Variants in TNKS2 observed in about 807,000 individuals in gnomAD.
TNKS2 encodes the protein tankyrase 2, also known as poly [ADP-ribose] polymerase tankyrase-2.
A neutral mutation model predicts 137.6 loss-of-function variants in TNKS2; 72 were observed. That is an observed-to-expected ratio of 0.52 (90% CI 0.43 to 0.64). TNKS2 has a LOEUF of 0.64. Among genes scored for constraint, TNKS2 ranks in the 30% least tolerant of loss-of-function variants. The pLI, the probability that TNKS2 is intolerant of heterozygous loss-of-function variation, is 0.00. For missense variants in TNKS2, 1,049 were observed against 1,410.2 expected, an observed-to-expected ratio of 0.74 and a Z score of 4.10; for synonymous variants, 516 against 512.1, an observed-to-expected ratio of 1.01 and a Z score of -0.10.
chr10:91,830,802 T>C (rs1845221752), intron 9 of TNKS2, 121 bp from the exon 10 acceptor site: 1 of 847,546 alleles, frequency 1.2e-6, no homozygotes, highest in Non-Finnish European at 1.8e-6. Flanking sequence ...AGAGCAAAGT[T>C]GCGTCAAAAG....
In TNKS2 at chr10:91,842,705, C is replaced by T. The variant is rs559191448; in HGVS notation, c.2059+314C>T. On this transcript the variant is annotated intron_variant, in intron 16 of 26. Coordinates refer to ENST00000371627, the MANE Select transcript of TNKS2 (RefSeq NM_025235.4). ...TGGGAAGATTGAGCCCAGGAGGTCA[C>T]GGATGCAATAAGCCTTGATTGTGCC... Among the ~76,000 whole-genome samples, 645 of 152,022 alleles carry T rather than the reference C, an allele frequency of 4.2e-3. 5 individuals are homozygous for T. The highest frequency in any genetic ancestry group is 0.015 in the African/African-American group (614 of 41,468).
chr10:91,801,875 A>T (rs1205073431), intron 1 of TNKS2, among the ~76,000 whole-genome samples: 2 of 152,194 alleles, frequency 1.3e-5, no homozygotes, highest in Non-Finnish European at 2.9e-5. Flanking sequence ...GAAATTCTTG[A>T]CAGTTAATGC....
At chr10:91,822,809 C>T (rs558465718) in intron 7 of TNKS2, among the ~76,000 whole-genome samples, 23 of 152,170 alleles carry the variant, frequency 1.5e-4, no homozygotes, top group Non-Finnish European at 2.9e-4. Context: ...CCACCTGCCT[C>T]GGCCTCCCAA....
rs555895975 is a variant in TNKS2, at chr10:91,864,256, A to AC, written c.*1259dup. The AC allele has an allele frequency of 6.5e-6, 1 of 152,718 alleles. No individual in the cohort carries two copies. The highest frequency in any genetic ancestry group is 2.1e-4 in the South Asian group (1 of 4,828). The allele number at this position is 152,718 out of a possible 1,614,324, so 9.5% of individuals were successfully genotyped here. ...CTGTCAGTTTGTGCACCATATGGTG[A>AC]CCACGCCTGTGCTCAGTTTGGCAGC... is the stretch of plus-strand genomic sequence containing the variant. On this transcript the variant is annotated 3_prime_UTR_variant, in exon 27 of 27. Coordinates refer to ENST00000371627, the MANE Select transcript of TNKS2 (RefSeq NM_025235.4).
intron 9 of TNKS2, among the ~76,000 whole-genome samples, chr10:91,829,795 T>C (rs1396853186): frequency 6.6e-6 from 1 of 152,196 alleles, no homozygotes; most frequent in East Asian, 1.9e-4. Context: ...CAGGTTAAAA[T>C]CAAAGAACAG....
In TNKS2 at chr10:91,864,122, G is replaced by A. The variant is rs908855022; in HGVS notation, c.*1123G>A. 1.3e-5 allele frequency: 2 copies of A among 152,366 alleles called. No homozygotes were observed. Among genetic ancestry groups the A allele is most frequent in the African/African-American group, 4.8e-5 (2 of 41,404 alleles). 9.4% of individuals were successfully genotyped at this position (152,366 alleles called of 1,614,324 possible). A position where few individuals can be genotyped will look rare whatever the true frequency, so the allele number is the denominator to read the frequency against. ...TAAACTTAACCCAGAACTATAAAAT[G>A]TAGTTGTCTCAGTCCCCTCCAGGCC... On this transcript the variant is annotated 3_prime_UTR_variant, in exon 27 of 27. Coordinates refer to ENST00000371627, the MANE Select transcript of TNKS2 (RefSeq NM_025235.4).
chr10:91,842,097 CACTG>C (rs1842223887), intron 15 of TNKS2, 71 bp from the exon 16 acceptor site: 1 of 993,810 alleles, frequency 1.0e-6, no homozygotes, highest in Non-Finnish European at 1.5e-6. Context: ...GTATAGTTAA[CACTG>C]ACTATTTTCT....
At chr10:91,815,599 A>G (rs1211401167) in intron 2 of TNKS2, among the ~76,000 whole-genome samples, 3 of 152,172 alleles carry the variant, frequency 2.0e-5, no homozygotes. Context: ...ACAAAAAAAA[A>G]TGTAAAATAT....
chr10:91,844,430 C>G (rs756892308), intron 16 of TNKS2, among the ~76,000 whole-genome samples: 4 of 152,096 alleles, frequency 2.6e-5, no homozygotes, highest in Non-Finnish European at 4.4e-5. Flanking sequence ...TGAGTTCTCT[C>G]TAGCAAAAAA....
intron 1 of TNKS2, among the ~76,000 whole-genome samples, chr10:91,808,435 A>G (rs962754625): frequency 1.3e-5 from 2 of 152,162 alleles, no homozygotes; most frequent in Non-Finnish European, 1.5e-5. Flanking sequence ...AGGCCATAGT[A>G]GAGTGTTTGA....
intron 11 of TNKS2, among the ~76,000 whole-genome samples, chr10:91,832,703 C>T (rs536543170): frequency 7.9e-5 from 12 of 152,130 alleles, no homozygotes; most frequent in South Asian, 2.1e-4. Context: ...CACTAGTGTC[C>T]GCAGGATTGA....
At chr10:91,809,405 G>A (rs921177538) in intron 1 of TNKS2, among the ~76,000 whole-genome samples, 1 of 152,096 alleles carries the variant, frequency 6.6e-6, no homozygotes, top group African/African-American at 2.4e-5. Context: ...GGTGGCTCAC[G>A]CCTGTAATCC....
intron 11 of TNKS2, among the ~76,000 whole-genome samples, chr10:91,832,595 A>G (rs542855220): frequency 2.0e-5 from 3 of 152,016 alleles, no homozygotes; most frequent in Non-Finnish European, 4.4e-5. Context: ...GAGACTAGCT[A>G]TTCATACTCT....
At chr10:91,812,908 A>C (rs1052822250) in intron 1 of TNKS2, 75 bp from the exon 2 acceptor site, 1 of 1,534,204 alleles carries the variant, frequency 6.5e-7, no homozygotes, top group African/African-American at 1.4e-5. Context: ...GAAACATTTT[A>C]GTATGGATGG....
rs761254648 is a variant in TNKS2 at position 91,849,494 on chromosome 10, G to C, written c.2612-18G>C. The C allele has an allele frequency of 1.9e-6, 3 of 1,600,522 alleles. No individual in the cohort carries two copies. Among genetic ancestry groups the C allele is most frequent in the Admixed American group, 3.5e-5 (2 of 57,828 alleles). On this transcript the variant is annotated intron_variant, in intron 19 of 26. Coordinates refer to ENST00000371627, the MANE Select transcript of TNKS2 (RefSeq NM_025235.4). Reference sequence around the variant, plus strand: ...CTGATGTGAAATTCCATTTGTTTTGGATTTTTTTATTTCCCAGTTCCAGGA... The same window carrying C: ...CTGATGTGAAATTCCATTTGTTTTGCATTTTTTTATTTCCCAGTTCCAGGA...
chr10:91,846,807 C>T (rs984055042), intron 18 of TNKS2, among the ~76,000 whole-genome samples: 6 of 151,596 alleles, frequency 4.0e-5, no homozygotes, highest in African/African-American at 1.5e-4. Flanking sequence ...CTTTCTAGTT[C>T]CAAGTTACCT....
At chr10:91,799,987 C>T (rs1844108926) in intron 1 of TNKS2, among the ~76,000 whole-genome samples, 1 of 152,164 alleles carries the variant, frequency 6.6e-6, no homozygotes, top group Admixed American at 6.5e-5. Context: ...ACAGATATTA[C>T]TTTTACACTT....
intron 20 of TNKS2, among the ~76,000 whole-genome samples, chr10:91,850,381 A>G (rs1397403608): frequency 2.0e-5 from 3 of 151,062 alleles, no homozygotes; most frequent in African/African-American, 7.3e-5. Context: ...AAAAAAAAAA[A>G]AAAGAACATA....
chr10:91,823,306 T>G (rs1046735912), intron 7 of TNKS2, among the ~76,000 whole-genome samples: 10 of 119,572 alleles, frequency 8.4e-5, no homozygotes, highest in African/African-American at 3.5e-4. Flanking sequence ...TTTTGTTGTT[T>G]TTTTGGTTTT....
Sources: gnomAD v4.1 joint callset for allele counts (sites outside exome capture counted in the v4.1 genomes callset) on GRCh38, gnomAD v4.1.1 for gene constraint, MANE v1.5 for transcripts, NCBI Gene and HGNC (gene_info 2026-07-23, HGNC 2026-07-21) for gene names.